TMEM45A: variants seen among roughly 807,000 people sequenced by gnomAD.
TMEM45A encodes the protein transmembrane protein 45A.
TMEM45A carries 25 observed loss-of-function variants against 32.0 expected under a neutral mutation model. The ratio of observed to expected loss-of-function variants is 0.78; its 90% CI spans 0.57 to 1.09. The LOEUF (loss-of-function observed/expected upper bound fraction) is 1.09, where lower values mean the gene tolerates loss of function less well. Ranked by LOEUF, TMEM45A falls within the 50% of genes least tolerant of loss-of-function variation. The pLI is 0.00. For missense variants in TMEM45A, 302 were observed against 325.0 expected (o/e 0.93, Z 0.54); for synonymous variants, 122 against 114.8 (o/e 1.06, Z -0.40).
intron 1 of TMEM45A, among the ~76,000 whole-genome samples, chr3:100,494,356 G>T (rs1707892585): frequency 6.6e-6 from 1 of 152,210 alleles, no homozygotes; most frequent in Admixed American, 6.5e-5. Flanking sequence ...GGGCGCGGTG[G>T]CTCACGCCTG....
intron 1 of TMEM45A, among the ~76,000 whole-genome samples, chr3:100,493,603 A>G (rs80220545): frequency 0.013 from 1,947 of 151,782 alleles, 30 homozygotes; most frequent in African/African-American, 0.044. Flanking sequence ...TATATAGTAT[A>G]TATGCACTAT....
At chr3:100,498,208 C>T (rs187668905) in intron 1 of TMEM45A, among the ~76,000 whole-genome samples, 10 of 152,352 alleles carry the variant, frequency 6.6e-5, no homozygotes, top group African/African-American at 2.4e-4. Context: ...TTTCCTAAGC[C>T]TCCCCAGCCA....
chr3:100,533,265 C>G (rs1254375647), intron 1 of TMEM45A, among the ~76,000 whole-genome samples: 1 of 152,020 alleles, frequency 6.6e-6, no homozygotes, highest in Non-Finnish European at 1.5e-5. Context: ...GATTCCCAGG[C>G]CTTACCCCAA....
chr3:100,553,678 G>A (rs899778308), intron 1 of TMEM45A, among the ~76,000 whole-genome samples: 5 of 152,096 alleles, frequency 3.3e-5, no homozygotes, highest in African/African-American at 1.2e-4. Flanking sequence ...TTTCATCTAG[G>A]CTTGCCTCCT....
chr3:100,550,523 G>T (rs974489323), intron 1 of TMEM45A, among the ~76,000 whole-genome samples: 2 of 152,152 alleles, frequency 1.3e-5, no homozygotes, highest in Non-Finnish European at 2.9e-5. Flanking sequence ...TGGTGGTGGC[G>T]CAAGATGAAA....
intron 5 of TMEM45A, among the ~76,000 whole-genome samples, chr3:100,576,429 C>T (rs1706687104): frequency 6.6e-6 from 1 of 151,554 alleles, no homozygotes; most frequent in African/African-American, 2.4e-5. Flanking sequence ...CAGCCTCCAG[C>T]CTGGATGACA....
chr3:100,527,234 T>A (rs968731738), intron 1 of TMEM45A, among the ~76,000 whole-genome samples: 4 of 152,144 alleles, frequency 2.6e-5, no homozygotes, highest in African/African-American at 9.7e-5. Flanking sequence ...AAAAAAGTAT[T>A]TCAAAAACTC....
In TMEM45A at chr3:100,503,789, G is replaced by A. The variant is rs143106704; in HGVS notation, c.-4+10861G>A. 3.2e-3 allele frequency among the ~76,000 whole-genome samples: 481 copies of A among 152,280 alleles called. 4 individuals carry two copies. The highest frequency in any genetic ancestry group is 5.1e-3 in the Non-Finnish European group (350 of 68,026). ...ACCCTCATGGACAACTTGTCGGGAA[G>A]AGGCTATTATTATTCCCATTTTATT... On this transcript the variant is annotated intron_variant, in intron 1 of 5. Coordinates refer to ENST00000323523, the MANE Select transcript of TMEM45A (RefSeq NM_018004.3).
At chr3:100,511,190 A>C (rs1025796359) in intron 1 of TMEM45A, among the ~76,000 whole-genome samples, 1 of 151,656 alleles carries the variant, frequency 6.6e-6, no homozygotes, top group African/African-American at 2.4e-5. Context: ...CCAAAGTTGA[A>C]ATGAAGGAAA....
chr3:100,542,040 T>C (rs888961789), intron 1 of TMEM45A, among the ~76,000 whole-genome samples: 2 of 152,234 alleles, frequency 1.3e-5, no homozygotes, highest in African/African-American at 2.4e-5. Context: ...TATGCTGTTT[T>C]GGTTACTGTA....
intron 1 of TMEM45A, among the ~76,000 whole-genome samples, chr3:100,531,941 A>G (rs1705655504): frequency 1.3e-5 from 2 of 152,232 alleles, no homozygotes; most frequent in South Asian, 4.1e-4. Flanking sequence ...CCATGTAAAT[A>G]CTTCTACTAT....
At chr3:100,523,989 TAATGA>T (rs1227306639) in intron 1 of TMEM45A, among the ~76,000 whole-genome samples, 1 of 152,246 alleles carries the variant, frequency 6.6e-6, no homozygotes, top group Non-Finnish European at 1.5e-5. Context: ...CAACAGTAGC[TAATGA>T]AATAAGGATC....
chr3:100,576,480 T>A (rs761699228), intron 5 of TMEM45A, among the ~76,000 whole-genome samples: 1 of 149,902 alleles, frequency 6.7e-6, no homozygotes, highest in Non-Finnish European at 1.5e-5. Context: ...ATTAGCTGGG[T>A]GTGATGATAC....
At chr3:100,571,716 G>C (rs576261326) in intron 5 of TMEM45A, 3 of 149,242 alleles carry the variant, frequency 2.0e-5, no homozygotes, top group African/African-American at 7.7e-5. Flanking sequence ...ATCATTTAGT[G>C]TTAGGTATAT....
chr3:100,544,439 A>G (rs1356548988), intron 1 of TMEM45A, among the ~76,000 whole-genome samples: 1 of 152,156 alleles, frequency 6.6e-6, no homozygotes, highest in Non-Finnish European at 1.5e-5. Flanking sequence ...GCAAATGTAT[A>G]TGGTTGTCTA....
At chr3:100,542,364 C>T (rs1274804948) in intron 1 of TMEM45A, among the ~76,000 whole-genome samples, 4 of 152,000 alleles carry the variant, frequency 2.6e-5, no homozygotes, top group Non-Finnish European at 4.4e-5. Flanking sequence ...TAGAAGAAAA[C>T]CTAGGAAACA....
At chr3:100,512,317 A>C (rs1708179807) in intron 1 of TMEM45A, among the ~76,000 whole-genome samples, 1 of 152,238 alleles carries the variant, frequency 6.6e-6, no homozygotes, top group East Asian at 1.9e-4. Context: ...AGGATTAAGA[A>C]TCTCACTCAA....
At chr3:100,576,850 G>T (rs560056347) in intron 5 of TMEM45A, 75 bp from the exon 6 acceptor site, 5 of 1,079,950 alleles carry the variant, frequency 4.6e-6, no homozygotes, top group South Asian at 4.0e-5. Flanking sequence ...AGACTTTGTG[G>T]TATAATGGGT....
intron 4 of TMEM45A, 103 bp downstream of exon 4, chr3:100,558,692 G>T: frequency 8.6e-7 from 1 of 1,163,570 alleles, no homozygotes; most frequent in Non-Finnish European, 1.2e-6. Context: ...CCAACATACT[G>T]CCTGTAGTAA....
Sources: allele counts gnomAD v4.1 joint callset (sites outside exome capture counted in the v4.1 genomes callset), GRCh38; gene constraint gnomAD v4.1.1; transcripts MANE v1.5; gene names NCBI Gene and HGNC (gene_info 2026-07-23, HGNC 2026-07-21).